Variants in LIN52 observed in about 807,000 individuals in gnomAD.
The protein encoded by LIN52 is lin-52 DREAM MuvB core complex component.
In LIN52, 4 loss-of-function variants were observed where a neutral mutation model predicts 18.5. The observed-to-expected ratio is 0.22, with a 90% CI of 0.11 to 0.49. The LOEUF (loss-of-function observed/expected upper bound fraction) is 0.49, where lower values mean the gene tolerates loss of function less well. Ranked by LOEUF, LIN52 falls within the 20% of genes least tolerant of loss-of-function variation. LIN52 has a pLI of 0.97. For synonymous variants in LIN52, 34 were observed against 45.5 expected, an observed-to-expected ratio of 0.75 and a Z score of 1.02; for missense variants, 102 against 139.5, an observed-to-expected ratio of 0.73 and a Z score of 1.35.
intron 5 of LIN52, among the ~76,000 whole-genome samples, chr14:74,170,913 G>A (rs1396463440): frequency 3.3e-5 from 5 of 151,536 alleles, no homozygotes; most frequent in Non-Finnish European, 5.9e-5. Context: ...CAGGCATGGT[G>A]GTTCACACCT....
chr14:74,101,028 T>C, intron 4 of LIN52, 127 bp from the exon 5 acceptor site: 1 of 730,618 alleles, frequency 1.4e-6, no homozygotes, highest in South Asian at 1.7e-5. Flanking sequence ...GAGTTACGGA[T>C]CCATTTTCTA....
At chr14:74,134,716 G>T (rs1396435102) in intron 5 of LIN52, among the ~76,000 whole-genome samples, 1 of 152,162 alleles carries the variant, frequency 6.6e-6, no homozygotes, top group African/African-American at 2.4e-5. Flanking sequence ...GGGCCAGCTA[G>T]AGTTAAGGTG....
chr14:74,161,563 A>G (rs745491646), intron 5 of LIN52, among the ~76,000 whole-genome samples: 2 of 152,260 alleles, frequency 1.3e-5, no homozygotes, highest in South Asian at 2.1e-4. Flanking sequence ...AGAAGAGTCA[A>G]CGGTGTACAG....
In LIN52 at chr14:74,200,825, G is replaced by GCA. The variant is rs1003559990; in HGVS notation, c.*1849_*1850insAC. 2.6e-5 allele frequency: 4 copies of GCA among 151,702 alleles called. No homozygotes were observed. Among genetic ancestry groups the GCA allele is most frequent in the African/African-American group, 7.3e-5 (3 of 41,304 alleles). 9.4% of individuals were successfully genotyped at this position (151,702 alleles called of 1,614,324 possible). A position where few individuals can be genotyped will look rare whatever the true frequency, so the allele number is the denominator to read the frequency against. ...GAAGAGTGTGTGTGTGTGTGTGCGC[G>GCA]CGCGCATGTGGCCAAAAAATAGTGC... On this transcript the variant is annotated 3_prime_UTR_variant, in exon 6 of 6. Coordinates refer to ENST00000555028, the MANE Select transcript of LIN52 (RefSeq NM_001024674.3).
At chr14:74,170,390 T>TTC (rs2061265259) in intron 5 of LIN52, among the ~76,000 whole-genome samples, 1 of 152,186 alleles carries the variant, frequency 6.6e-6, no homozygotes, top group African/African-American at 2.4e-5. Flanking sequence ...CTTCTATAGG[T>TTC]TCTTAAGCAT....
rs1359865920 is a variant in LIN52, at chr14:74,140,681, C to T, written c.283+39443C>T. Among the ~76,000 whole-genome samples the T allele has an allele frequency of 3.3e-5, 5 of 152,276 alleles. No individual in the cohort carries two copies. In the East Asian group the frequency reaches 5.8e-4, roughly 18 times the overall value. On this transcript the variant is annotated intron_variant, in intron 5 of 5. Transcript: ENST00000555028. The stretch of plus-strand genomic sequence containing the variant: ...TGGGGCGGTGCTTTAAGAACCCGCA[C>T]GTGGCTGCCCCAGCTGTTCTGCTTT...
intron 5 of LIN52, among the ~76,000 whole-genome samples, chr14:74,179,940 A>G (rs1245152792): frequency 6.6e-6 from 1 of 152,202 alleles, no homozygotes; most frequent in East Asian, 1.9e-4. Context: ...GGCTGGCTAA[A>G]CCATGGATCC....
intron 1 of LIN52, among the ~76,000 whole-genome samples, chr14:74,086,742 CCTT>C (rs1378207857): frequency 6.6e-6 from 1 of 151,986 alleles, no homozygotes; most frequent in South Asian, 2.1e-4. Flanking sequence ...GCAAAAATGT[CCTT>C]CTCTTGCCAG....
At chr14:74,172,162 C>T (rs759532658) in intron 5 of LIN52, among the ~76,000 whole-genome samples, 4 of 152,160 alleles carry the variant, frequency 2.6e-5, no homozygotes, top group Admixed American at 1.3e-4. Context: ...CTTTTCTGTG[C>T]TCCTACATTC....
intron 5 of LIN52, among the ~76,000 whole-genome samples, chr14:74,144,238 T>A (rs2139548066): frequency 1.3e-5 from 2 of 151,920 alleles, no homozygotes; most frequent in South Asian, 4.2e-4. Flanking sequence ...TCCTTCCGCC[T>A]CAGCCTCCCA....
chr14:74,142,891 A>G (rs982550013), intron 5 of LIN52, among the ~76,000 whole-genome samples: 3 of 147,810 alleles, frequency 2.0e-5, no homozygotes, highest in Non-Finnish European at 3.0e-5. Flanking sequence ...GGTTCTTTAC[A>G]AAAAACCTTT....
At chr14:74,123,278 G>A (rs1018833857) in intron 5 of LIN52, among the ~76,000 whole-genome samples, 1 of 152,216 alleles carries the variant, frequency 6.6e-6, no homozygotes, top group African/African-American at 2.4e-5. Flanking sequence ...TAAGACAGTA[G>A]AAATATTACT....
At chr14:74,086,582 G>T (rs544792029) in intron 1 of LIN52, among the ~76,000 whole-genome samples, 2 of 152,174 alleles carry the variant, frequency 1.3e-5, no homozygotes, top group East Asian at 1.9e-4. Flanking sequence ...TTGAGCCCAG[G>T]GGGTGGAGGC....
chr14:74,171,812 C>T (rs2061272595), intron 5 of LIN52, among the ~76,000 whole-genome samples: 1 of 142,062 alleles, frequency 7.0e-6, no homozygotes, highest in Non-Finnish European at 1.5e-5. Flanking sequence ...GATCTTGGCT[C>T]ACTGCAACCT....
chr14:74,199,266 G>A lies in LIN52; in HGVS notation c.*289G>A, dbSNP rs1196713480. 1.1e-5 allele frequency: 3 copies of A among 283,846 alleles called. No individual in the cohort carries two copies. The highest frequency in any genetic ancestry group is 2.2e-5 in the African/African-American group (1 of 45,688). The allele number at this position is 283,846 out of a possible 1,614,324, so 17.6% of individuals were successfully genotyped here. A position where few individuals can be genotyped will look rare whatever the true frequency, so the allele number is the denominator to read the frequency against. On this transcript the variant is annotated 3_prime_UTR_variant, in exon 6 of 6. Coordinates refer to ENST00000555028, the MANE Select transcript of LIN52 (RefSeq NM_001024674.3). ...GGGCATATCATTCTTAAAGGTCGAAGTCCTGCTTTCTCATTTCTGGAAGTG... is the reference window on the plus strand; with the variant it reads ...GGGCATATCATTCTTAAAGGTCGAAATCCTGCTTTCTCATTTCTGGAAGTG...
chr14:74,115,167 T>C (rs571960444), intron 5 of LIN52, among the ~76,000 whole-genome samples: 3 of 152,316 alleles, frequency 2.0e-5, no homozygotes, highest in East Asian at 3.9e-4. Flanking sequence ...TGACTGCAAT[T>C]TACATGCAAT....
chr14:74,185,924 A>G (rs2061339006), intron 5 of LIN52, among the ~76,000 whole-genome samples: 1 of 152,164 alleles, frequency 6.6e-6, no homozygotes, highest in African/African-American at 2.4e-5. Flanking sequence ...TCTAAAGTGG[A>G]ATTTCTGGGT....
intron 5 of LIN52, among the ~76,000 whole-genome samples, chr14:74,178,907 C>T (rs1281654320): frequency 6.6e-6 from 1 of 151,664 alleles, no homozygotes; most frequent in Non-Finnish European, 1.5e-5. Flanking sequence ...ATAGTGAGAC[C>T]CCATCTCTAC....
At chr14:74,153,480 A>G (rs1032354358) in intron 5 of LIN52, among the ~76,000 whole-genome samples, 2 of 152,188 alleles carry the variant, frequency 1.3e-5, no homozygotes, top group Non-Finnish European at 2.9e-5. Flanking sequence ...ATAAGTATAT[A>G]TGAACATTTT....
Sources: allele counts gnomAD v4.1 joint callset (sites outside exome capture counted in the v4.1 genomes callset), GRCh38; gene constraint gnomAD v4.1.1; transcripts MANE v1.5; gene names NCBI Gene and HGNC (gene_info 2026-07-23, HGNC 2026-07-21).